WDR49: variants seen among roughly 807,000 people sequenced by gnomAD.
WDR49 encodes the protein WD repeat domain 49.
Under a neutral mutation model 119.5 loss-of-function variants are expected in WDR49, and 107 were observed. That is an observed-to-expected ratio of 0.90 (90% CI 0.77 to 1.05). WDR49 has a LOEUF of 1.05. Ranked by LOEUF, WDR49 falls within the 50% of genes least tolerant of loss-of-function variation. The probability of loss-of-function intolerance (pLI) is 0.00; values close to 1 mark genes in which losing one functional copy is unlikely to be tolerated. For synonymous variants in WDR49, 425 were observed against 418.8 expected (o/e 1.01, Z -0.18); for missense variants, 1,240 against 1,220.5 (o/e 1.02, Z -0.24).
intron 5 of WDR49, among the ~76,000 whole-genome samples, chr3:167,608,967 G>T (rs1373295770): frequency 6.6e-6 from 1 of 152,188 alleles, no homozygotes; most frequent in African/African-American, 2.4e-5. Flanking sequence ...GTCCTCATGT[G>T]TGCTGTCAAA....
intron 7 of WDR49, among the ~76,000 whole-genome samples, chr3:167,597,898 C>A (rs963673110): frequency 6.6e-6 from 1 of 152,104 alleles, no homozygotes; most frequent in Non-Finnish European, 1.5e-5. Context: ...GGCTCATAGG[C>A]AGAAGGGACT....
intron 2 of WDR49, among the ~76,000 whole-genome samples, chr3:167,641,512 C>T (rs1296688092): frequency 1.3e-5 from 2 of 151,886 alleles, no homozygotes; most frequent in African/African-American, 2.4e-5. Context: ...TCTTAGGCTT[C>T]AAACATGGTC....
intron 18 of WDR49, among the ~76,000 whole-genome samples, chr3:167,489,717 C>T (rs1002973901): frequency 6.6e-6 from 1 of 152,054 alleles, no homozygotes; most frequent in African/African-American, 2.4e-5. Context: ...CTAACTATAT[C>T]AGCTGAACAA....
At chr3:167,632,907 G>A (rs1717437414) in intron 2 of WDR49, among the ~76,000 whole-genome samples, 3 of 152,000 alleles carry the variant, frequency 2.0e-5, no homozygotes, top group Admixed American at 2.0e-4. Context: ...AATTCCTAGT[G>A]CTGTTATGAG....
chr3:167,565,069 T>C (rs1356152630), intron 8 of WDR49, among the ~76,000 whole-genome samples: 2 of 152,038 alleles, frequency 1.3e-5, no homozygotes, highest in East Asian at 3.9e-4. Flanking sequence ...TTGTAGAAAA[T>C]CTCTAGAAGT....
chr3:167,599,126 G>A (rs1168024134), intron 7 of WDR49, among the ~76,000 whole-genome samples: 2 of 152,168 alleles, frequency 1.3e-5, no homozygotes, highest in East Asian at 3.9e-4. Context: ...GGGCTCTATG[G>A]TCAGCATGTG....
At position 167,522,382 on chromosome 3, in the gene WDR49, C is replaced by T; in HGVS notation, c.2707G>A (p.Glu903Lys). ...QKEISLFSKE[E>K]SCLDPTEHSL... ...TGTTCTGTTGGGTCTAAACAAGATT[C>T]CTCCTTAGAAAATAAAGAAATTTCC... The change falls in exon 16 of 19, where the codon GAA (glutamate) becomes AAA (lysine). Residue 903 changes from glutamate to lysine, a missense_variant. Physicochemically the swap from Glu to Lys is moderately conservative, Grantham distance 56. Coordinates refer to ENST00000682715, the MANE Select transcript of WDR49 (RefSeq NM_001366157.1). The T allele has an allele frequency of 6.2e-7, 1 of 1,610,240 alleles. No homozygotes were observed. The highest frequency in any genetic ancestry group is 8.5e-7 in the Non-Finnish European group (1 of 1,178,836).
intron 2 of WDR49, among the ~76,000 whole-genome samples, chr3:167,645,030 T>C (rs1198181835): frequency 6.6e-6 from 1 of 151,860 alleles, no homozygotes; most frequent in Non-Finnish European, 1.5e-5. Context: ...ACATGAGATA[T>C]GTATATGTGT....
At chr3:167,618,095 T>C (rs1716688699) in intron 5 of WDR49, among the ~76,000 whole-genome samples, 1 of 138,702 alleles carries the variant, frequency 7.2e-6, no homozygotes, top group Admixed American at 7.0e-5. Context: ...TCATTGTGCC[T>C]GCTTGTCTAT....
At chr3:167,484,992 ACC>A (rs1483814436) in intron 18 of WDR49, among the ~76,000 whole-genome samples, 1 of 152,208 alleles carries the variant, frequency 6.6e-6, no homozygotes, top group Non-Finnish European at 1.5e-5. Flanking sequence ...GCACATTTAC[ACC>A]ATGGAATACT....
chr3:167,482,462 G>A (rs1750750913), intron 18 of WDR49, among the ~76,000 whole-genome samples: 1 of 150,432 alleles, frequency 6.6e-6, no homozygotes, highest in Non-Finnish European at 1.5e-5. Flanking sequence ...GAGGTCAGGA[G>A]ATCCAGACCA....
intron 8 of WDR49, among the ~76,000 whole-genome samples, chr3:167,561,603 G>T (rs1397191715): frequency 2.0e-5 from 3 of 152,108 alleles, no homozygotes; most frequent in African/African-American, 7.2e-5. Context: ...GTGGGGGATT[G>T]GGTTAGGGAG....
At chr3:167,582,498 T>C (rs1714588348) in intron 7 of WDR49, among the ~76,000 whole-genome samples, 1 of 152,180 alleles carries the variant, frequency 6.6e-6, no homozygotes, top group Non-Finnish European at 1.5e-5. Flanking sequence ...ATAATAGTTA[T>C]ACTATTTTTT....
chr3:167,549,834 A>T (rs1338993658), intron 10 of WDR49, among the ~76,000 whole-genome samples: 2 of 152,282 alleles, frequency 1.3e-5, no homozygotes, highest in East Asian at 3.9e-4. Context: ...TAGGTCTAAC[A>T]TTTAAGTCTT....
chr3:167,550,780 A>ATTTTT lies in WDR49; in HGVS notation c.1823+3869_1823+3870insAAAAA, dbSNP rs1560281510. Among the ~76,000 whole-genome samples the ATTTTT allele has an allele frequency of 1.0e-3, 138 of 136,348 alleles. 2 individuals are homozygous for ATTTTT. In the East Asian group the frequency reaches 0.022, roughly 21 times the overall value. The allele number at this position is 136,348 out of a possible 152,430, so 89.4% of individuals were successfully genotyped here. ...ACTAGGAGGTTTTTTTTTTTTTTTG[A>ATTTTT]GAGAGAGAGAGAGAGAGAGCTTTAA... is the stretch of plus-strand genomic sequence containing the variant. On this transcript the variant is annotated intron_variant, in intron 10 of 18. Coordinates refer to ENST00000682715, the MANE Select transcript of WDR49 (RefSeq NM_001366157.1).
At chr3:167,522,616 G>T in intron 15 of WDR49, 132 bp from the exon 16 acceptor site, 1 of 807,822 alleles carries the variant, frequency 1.2e-6, no homozygotes, top group Non-Finnish European at 1.8e-6. Context: ...AAAAAGATAT[G>T]ACTCCGGTCC....
intron 18 of WDR49, among the ~76,000 whole-genome samples, chr3:167,496,794 C>T (rs911446547): frequency 5.9e-5 from 9 of 152,130 alleles, no homozygotes; most frequent in African/African-American, 2.2e-4. Flanking sequence ...TTGTCAAAGA[C>T]TCTATGATAT....
At chr3:167,626,472 G>C (rs946728408) in intron 3 of WDR49, among the ~76,000 whole-genome samples, 1 of 152,000 alleles carries the variant, frequency 6.6e-6, no homozygotes, top group African/African-American at 2.4e-5. Context: ...CTATCTATTA[G>C]AATGAAGACA....
chr3:167,564,689 T>A (rs1010372141), intron 8 of WDR49, among the ~76,000 whole-genome samples: 5 of 152,230 alleles, frequency 3.3e-5, no homozygotes, highest in Admixed American at 3.3e-4. Flanking sequence ...TAGATCGTTG[T>A]TCTGATGAGA....
Sources: allele counts gnomAD v4.1 joint callset (sites outside exome capture counted in the v4.1 genomes callset), GRCh38; gene constraint gnomAD v4.1.1; transcripts MANE v1.5; gene names NCBI Gene and HGNC (gene_info 2026-07-23, HGNC 2026-07-21).